HGSNAT: variants seen among roughly 807,000 people sequenced by gnomAD.
The protein encoded by HGSNAT is transmembrane protein 76.
A neutral mutation model predicts 85.2 loss-of-function variants in HGSNAT; 59 were observed. The ratio of observed to expected loss-of-function variants is 0.69; its 90% CI spans 0.56 to 0.86. The LOEUF (loss-of-function observed/expected upper bound fraction) is 0.86, where lower values mean the gene tolerates loss of function less well. Among genes scored for constraint, HGSNAT ranks in the 40% least tolerant of loss-of-function variants. The probability of loss-of-function intolerance (pLI) is 0.00; values close to 1 mark genes in which losing one functional copy is unlikely to be tolerated. For missense variants in HGSNAT, 756 were observed against 777.1 expected, an observed-to-expected ratio of 0.97 and a Z score of 0.32; for synonymous variants, 321 against 304.5, an observed-to-expected ratio of 1.05 and a Z score of -0.56.
At chr8:43,188,497 T>C (rs527586408) in intron 11 of HGSNAT, among the ~76,000 whole-genome samples, 1 of 152,312 alleles carries the variant, frequency 6.6e-6, no homozygotes, top group Admixed American at 6.5e-5. Flanking sequence ...CTCCATCAGG[T>C]CATTTAAGGT....
intron 11 of HGSNAT, 118 bp from the exon 12 acceptor site, chr8:43,191,356 T>C: frequency 7.9e-7 from 1 of 1,261,588 alleles, no homozygotes; most frequent in African/African-American, 1.5e-5. Flanking sequence ...AGTAAGTTTT[T>C]GTATTACTGC....
intron 9 of HGSNAT, among the ~76,000 whole-genome samples, chr8:43,175,137 G>A (rs550150716): frequency 2.6e-5 from 4 of 152,248 alleles, no homozygotes; most frequent in Non-Finnish European, 4.4e-5. Context: ...GTCTGTTGAT[G>A]GATGCTTAGT....
chr8:43,140,987 G>C (rs1248402430), intron 1 of HGSNAT, among the ~76,000 whole-genome samples: 3 of 152,206 alleles, frequency 2.0e-5, no homozygotes, highest in East Asian at 1.9e-4. Flanking sequence ...GCCGAGGATC[G>C]GGGGGGCTCG....
At chr8:43,152,435 A>G (rs1695597982) in intron 2 of HGSNAT, among the ~76,000 whole-genome samples, 1 of 152,194 alleles carries the variant, frequency 6.6e-6, no homozygotes, top group South Asian at 2.1e-4. Flanking sequence ...GAATCGAAGT[A>G]AGAACAAGCT....
In HGSNAT at chr8:43,140,492, C is replaced by T; in HGVS notation, c.-5C>T. 1 of 1,013,254 alleles carries T rather than the reference C, an allele frequency of 9.9e-7. No homozygotes were observed. Among genetic ancestry groups the T allele is most frequent in the Non-Finnish European group, 1.2e-6 (1 of 848,758 alleles). 62.8% of individuals were successfully genotyped at this position (1,013,254 alleles called of 1,614,324 possible). ...CAGGCAAGGGCGGCCGAGCGGGCGGCGGGCATGAGCGGGGCGGGCAGGGCG... is the reference window on the plus strand; with the variant it reads ...CAGGCAAGGGCGGCCGAGCGGGCGGTGGGCATGAGCGGGGCGGGCAGGGCG... On this transcript the variant is annotated 5_prime_UTR_variant, in exon 1 of 18. Transcript: ENST00000379644.
intron 2 of HGSNAT, among the ~76,000 whole-genome samples, chr8:43,150,280 T>G (rs1168206919): frequency 6.6e-6 from 1 of 152,054 alleles, no homozygotes; most frequent in African/African-American, 2.4e-5. Flanking sequence ...AAGTAAGATG[T>G]TCTCAGTATG....
At chr8:43,149,574 C>G (rs1446764641) in intron 2 of HGSNAT, among the ~76,000 whole-genome samples, 1 of 151,830 alleles carries the variant, frequency 6.6e-6, no homozygotes, top group Non-Finnish European at 1.5e-5. Context: ...GTGGCGGGCG[C>G]CTGTAGTCCC....
At chr8:43,168,655 C>T (rs1286956625) in intron 5 of HGSNAT, among the ~76,000 whole-genome samples, 1 of 152,030 alleles carries the variant, frequency 6.6e-6, no homozygotes, top group Non-Finnish European at 1.5e-5. Context: ...CCTCGGCCCC[C>T]CAAAGTGCTG....
intron 11 of HGSNAT, among the ~76,000 whole-genome samples, chr8:43,185,014 G>A (rs916195926): frequency 2.0e-5 from 3 of 152,180 alleles, no homozygotes; most frequent in African/African-American, 7.2e-5. Flanking sequence ...TTTACTACCA[G>A]TACCATGCTG....
Position 43,193,996 on chromosome 8 carries a change from C to A in HGSNAT, c.1464+153C>A. The A allele has an allele frequency of 2.9e-6, 4 of 1,386,310 alleles. No homozygotes were observed. The South Asian group carries it at 7.4e-5, about 25-fold the overall frequency. The allele number at this position is 1,386,310 out of a possible 1,614,324, so 85.9% of individuals were successfully genotyped here. A position where few individuals can be genotyped will look rare whatever the true frequency, so the allele number is the denominator to read the frequency against. ...GTTATCTTTGACAGATTGTGCAGAA[C>A]CAAAAGTTACTGAAATTCAGCACAT... On this transcript the variant is annotated intron_variant, in intron 14 of 17. Coordinates refer to ENST00000379644, the MANE Select transcript of HGSNAT (RefSeq NM_152419.3).
At chr8:43,177,395 C>CA (rs1313569643) in intron 9 of HGSNAT, among the ~76,000 whole-genome samples, 3 of 150,398 alleles carry the variant, frequency 2.0e-5, no homozygotes, top group South Asian at 2.1e-4. Context: ...ACTAAAAATA[C>CA]AAAAAAAAGA....
At chr8:43,164,713 G>A (rs1238076148) in intron 5 of HGSNAT, among the ~76,000 whole-genome samples, 1 of 152,158 alleles carries the variant, frequency 6.6e-6, no homozygotes, top group East Asian at 1.9e-4. Flanking sequence ...CCCAGGAAGT[G>A]GAGGTTTGCA....
In HGSNAT at chr8:43,192,191, G is replaced by A. The variant is rs562321792; in HGVS notation, c.1251-113G>A. 1.3e-5 allele frequency: 16 copies of A among 1,211,600 alleles called. No homozygotes were observed. In the East Asian group the frequency reaches 2.7e-4, roughly 20 times the overall value. 75.1% of individuals were successfully genotyped at this position (1,211,600 alleles called of 1,614,324 possible). A position where few individuals can be genotyped will look rare whatever the true frequency, so the allele number is the denominator to read the frequency against. On this transcript the variant is annotated intron_variant, in intron 12 of 17. Coordinates refer to ENST00000379644, the MANE Select transcript of HGSNAT (RefSeq NM_152419.3). ...GATCTGCCCGCCTTGGCCTCCCAAA[G>A]TGTTGGGATTACAGGCGTGAGCCAC...
At chr8:43,156,725 C>A (rs560104661) in intron 2 of HGSNAT, among the ~76,000 whole-genome samples, 2 of 152,146 alleles carry the variant, frequency 1.3e-5, no homozygotes, top group African/African-American at 2.4e-5. Context: ...ATAACTGTTA[C>A]ATCTTCCTGC....
At position 43,182,237 on chromosome 8, in the gene HGSNAT, C is replaced by T. The variant is rs1804152146; in HGVS notation, c.1105C>T (p.Pro369Ser). ...TGTGTTGGAGCTCCTCTTTGCTAAA[C>T]CTGTGCCTGAACATTGTGCCTCGGT... ...VAVLELLFAK[P>S]VPEHCASERS... is the part of the protein sequence containing the mutation. The change falls in exon 11 of 18, where the codon CCT (proline) becomes TCT (serine). Residue 369 changes from proline (P) to serine (S), a missense_variant. Coordinates refer to ENST00000379644, the MANE Select transcript of HGSNAT (RefSeq NM_152419.3). 6.2e-7 allele frequency: 1 copy of T among 1,613,720 alleles called. No homozygotes were observed. Among genetic ancestry groups the T allele is most frequent in the Non-Finnish European group, 8.5e-7 (1 of 1,179,676 alleles).
intron 11 of HGSNAT, among the ~76,000 whole-genome samples, chr8:43,185,812 A>G (rs1041041621): frequency 1.3e-5 from 2 of 152,208 alleles, no homozygotes; most frequent in African/African-American, 4.8e-5. Context: ...GACAGGTCCC[A>G]TCGATACCTA....
chr8:43,162,144 A>G (rs75978128), intron 5 of HGSNAT, among the ~76,000 whole-genome samples: 2,223 of 152,340 alleles, frequency 0.015, 31 homozygotes, highest in Non-Finnish European at 0.022. Flanking sequence ...TCATGTTTTA[A>G]AAAGAATAAG....
intron 5 of HGSNAT, among the ~76,000 whole-genome samples, chr8:43,162,798 C>T (rs188668852): frequency 1.3e-5 from 2 of 151,634 alleles, no homozygotes; most frequent in Admixed American, 6.6e-5. Flanking sequence ...TTGAACTCCT[C>T]GACTCAAGTG....
At chr8:43,161,541 C>T (rs768495990) in intron 5 of HGSNAT, 34 bp downstream of exon 5, 1 of 1,532,898 alleles carries the variant, frequency 6.5e-7, no homozygotes, top group Non-Finnish European at 8.9e-7. Context: ...ACTGGAAAGG[C>T]AGAGTATAGA....
Sources: allele counts gnomAD v4.1 joint callset (sites outside exome capture counted in the v4.1 genomes callset), GRCh38; gene constraint gnomAD v4.1.1; transcripts MANE v1.5; gene names NCBI Gene and HGNC (gene_info 2026-07-23, HGNC 2026-07-21).